The following XKR9 variants were observed in gnomAD, a reference collection of about 807,000 sequenced individuals.
XKR9 encodes the protein XK-related protein 9.
A neutral mutation model predicts 32.0 loss-of-function variants in XKR9; 32 were observed. The ratio of observed to expected loss-of-function variants is 1.00; its 90% CI spans 0.76 to 1.34. The LOEUF (loss-of-function observed/expected upper bound fraction) is 1.34, where lower values mean the gene tolerates loss of function less well. XKR9 is among the 40% of genes most tolerant of loss of function. XKR9 has a pLI of 0.00. For missense variants in XKR9, 546 were observed against 429.7 expected (o/e 1.27, Z -2.39); for synonymous variants, 168 against 143.4 (o/e 1.17, Z -1.22).
At chr8:70,800,965 A>C in the XKR9 span, among the ~76,000 whole-genome samples, 1 of 137,532 alleles carries the variant, frequency 7.3e-6, no homozygotes, top group Non-Finnish European at 1.5e-5. Flanking sequence ...TTCATACTAG[A>C]CTCTGAGGTC....
chr8:70,670,226 C>G (rs111990139), intron 1 of XKR9, among the ~76,000 whole-genome samples: 35 of 152,280 alleles, frequency 2.3e-4, no homozygotes, highest in African/African-American at 8.2e-4. Context: ...GAGCATGCCT[C>G]TGCCTGCCAG....
At chr8:71,040,373 C>T in the XKR9 span, among the ~76,000 whole-genome samples, 5 of 152,060 alleles carry the variant, frequency 3.3e-5, no homozygotes, top group Non-Finnish European at 5.9e-5. Flanking sequence ...GTAAAATTGC[C>T]GTTTTTATTG....
At chr8:70,881,815 C>T in the XKR9 span, among the ~76,000 whole-genome samples, 826 of 152,242 alleles carry the variant, frequency 5.4e-3, 11 homozygotes, top group African/African-American at 0.019. Context: ...CACTTGCAAA[C>T]GTATGTTTAT....
chr8:70,853,004 A>C, the XKR9 span, among the ~76,000 whole-genome samples: 15 of 152,190 alleles, frequency 9.9e-5, no homozygotes, highest in African/African-American at 3.6e-4. Flanking sequence ...TATAATATAA[A>C]AAAAGAAATA....
chr8:70,830,411 T>C, the XKR9 span, among the ~76,000 whole-genome samples: 1 of 148,304 alleles, frequency 6.7e-6, no homozygotes, highest in Non-Finnish European at 1.5e-5. Context: ...CAAAACCTTG[T>C]CTTTACAAAA....
At chr8:70,826,904 G>A in the XKR9 span, among the ~76,000 whole-genome samples, 6 of 152,090 alleles carry the variant, frequency 3.9e-5, no homozygotes, top group African/African-American at 1.4e-4. Context: ...TTGAGGTTAT[G>A]TTTGAAGACC....
the XKR9 span, among the ~76,000 whole-genome samples, chr8:70,850,076 TC>T: frequency 1.3e-5 from 2 of 151,972 alleles, no homozygotes; most frequent in African/African-American, 4.8e-5. Flanking sequence ...CTGAAACTAT[TC>T]CAAGCAATAG....
the XKR9 span, among the ~76,000 whole-genome samples, chr8:70,948,389 C>G: frequency 6.6e-6 from 1 of 152,072 alleles, no homozygotes. Flanking sequence ...AATTTTAATC[C>G]GATACCAAGA....
the XKR9 span, among the ~76,000 whole-genome samples, chr8:71,061,814 A>C: frequency 6.6e-6 from 1 of 152,200 alleles, no homozygotes; most frequent in Admixed American, 6.6e-5. Flanking sequence ...CAGCTTGGCC[A>C]GTAGTTGGGA....
At chr8:70,931,062 C>T in the XKR9 span, among the ~76,000 whole-genome samples, 1 of 151,198 alleles carries the variant, frequency 6.6e-6, no homozygotes. Flanking sequence ...TGAATTTGGA[C>T]TGAGAGAAAT....
chr8:70,930,824 T>C, the XKR9 span, among the ~76,000 whole-genome samples: 1 of 152,202 alleles, frequency 6.6e-6, no homozygotes, highest in Non-Finnish European at 1.5e-5. Context: ...CATCGCCACT[T>C]AGATTCAGAG....
At chr8:70,879,864 C>A in the XKR9 span, among the ~76,000 whole-genome samples, 2 of 152,060 alleles carry the variant, frequency 1.3e-5, no homozygotes, top group Non-Finnish European at 2.9e-5. Context: ...AACGTTGATG[C>A]GAAAATCCTC....
chr8:70,926,387 A>ACCTT, the XKR9 span, among the ~76,000 whole-genome samples: 1 of 152,138 alleles, frequency 6.6e-6, no homozygotes, highest in East Asian at 1.9e-4. Context: ...AATTTCTTAT[A>ACCTT]CCTTCACTAT....
At chr8:70,771,583 ATAT>A (rs1210131183) in intron 2 of XKR9, among the ~76,000 whole-genome samples, 5 of 152,216 alleles carry the variant, frequency 3.3e-5, no homozygotes, top group South Asian at 2.1e-4. Context: ...ACTTCAAAAA[ATAT>A]TATGCTTTTT....
At chr8:70,850,013 G>T in the XKR9 span, among the ~76,000 whole-genome samples, 3 of 151,990 alleles carry the variant, frequency 2.0e-5, no homozygotes, top group East Asian at 1.9e-4. Context: ...GGACCAGATG[G>T]ATTCACAACC....
chr8:70,886,356 T>C, the XKR9 span, among the ~76,000 whole-genome samples: 1 of 152,246 alleles, frequency 6.6e-6, no homozygotes, highest in African/African-American at 2.4e-5. Context: ...AACATACATG[T>C]GCATGTGTCT....
At chr8:71,040,677 C>T in the XKR9 span, among the ~76,000 whole-genome samples, 1 of 151,922 alleles carries the variant, frequency 6.6e-6, no homozygotes, top group Non-Finnish European at 1.5e-5. Flanking sequence ...CTGCAGAGTT[C>T]CTGATTTTTA....
intron 2 of XKR9, among the ~76,000 whole-genome samples, chr8:70,769,318 A>T (rs1807421487): frequency 2.0e-5 from 3 of 150,278 alleles, no homozygotes; most frequent in Admixed American, 1.3e-4. Flanking sequence ...TGTTAGTCTG[A>T]TGGGCTTCCC....
chr8:70,702,162 G>T (rs1046792738), intron 3 of XKR9, among the ~76,000 whole-genome samples: 25 of 152,018 alleles, frequency 1.6e-4, no homozygotes, highest in Non-Finnish European at 3.7e-4. Context: ...ATGTAGTTAT[G>T]TTCAAATTTA....
Sources: gnomAD v4.1 joint callset for allele counts (sites outside exome capture counted in the v4.1 genomes callset) on GRCh38, gnomAD v4.1.1 for gene constraint, MANE v1.5 for transcripts, NCBI Gene and HGNC (gene_info 2026-07-23, HGNC 2026-07-21) for gene names.